GALM: variants seen among roughly 807,000 people sequenced by gnomAD.
GALM encodes the protein galactose mutarotase.
Under a neutral mutation model 37.4 loss-of-function variants are expected in GALM, and 43 were observed. That is an observed-to-expected ratio of 1.15 (90% CI 0.90 to 1.48). The LOEUF is 1.48. GALM is among the 40% of genes most tolerant of loss of function. The pLI is 0.00. For synonymous variants in GALM, 199 were observed against 170.6 expected (o/e 1.17, Z -1.30); for missense variants, 456 against 419.1 (o/e 1.09, Z -0.77).
intron 4 of GALM, among the ~76,000 whole-genome samples, chr2:38,723,251 G>A (rs1364149008): frequency 2.0e-5 from 3 of 152,132 alleles, no homozygotes; most frequent in African/African-American, 2.4e-5. Context: ...TTGAGAGGCC[G>A]GGGGAAAAGA....
chr2:38,681,129 CAAAA>C, intron 2 of GALM, 147 bp from the exon 3 acceptor site: 3 of 604,516 alleles, frequency 5.0e-6, no homozygotes, highest in Middle Eastern at 4.8e-4. Flanking sequence ...GACCCTGTCT[CAAAA>C]AAAAAAAAAA....
intron 5 of GALM, among the ~76,000 whole-genome samples, chr2:38,730,362 G>A (rs1367640757): frequency 6.6e-6 from 1 of 152,156 alleles, no homozygotes; most frequent in Non-Finnish European, 1.5e-5. Flanking sequence ...CGCCTCCCGG[G>A]TTCAAGTGAT....
Position 38,689,820 on chromosome 2 carries a change from C to A in GALM, c.560C>A (p.Pro187Gln). ...CCTACCTTTTCCTCCCAGGCTTCCC[C>A]AAATATAAATGACCATGAAGTCACC... ...SYFNLAGQAS[P>Q]NINDHEVTIE... Residue 187 changes from proline (P) to glutamine (Q), a missense_variant, in exon 4 of 7, where the codon CCA (proline) becomes CAA (glutamine). Physicochemically the swap from Pro to Gln is moderately conservative, Grantham distance 76 (BLOSUM62 -1). Coordinates refer to ENST00000272252, the MANE Select transcript of GALM (RefSeq NM_138801.3). The A allele has an allele frequency of 1.3e-6, 2 of 1,598,736 alleles. No homozygotes were observed. Among genetic ancestry groups the A allele is most frequent in the Non-Finnish European group, 1.7e-6 (2 of 1,169,644 alleles).
Position 38,675,586 on chromosome 2 carries a change from T to A in GALM, c.191-326T>A, listed in dbSNP as rs1367097037. Among the ~76,000 whole-genome samples the A allele has an allele frequency of 1.6e-4, 22 of 140,112 alleles. 1 individual carries two copies. In the East Asian group the frequency reaches 3.2e-3, roughly 20 times the overall value. The allele number at this position is 140,112 out of a possible 152,430, so 91.9% of individuals were successfully genotyped here. ...GTGTGTGTGTGTGTGTGTGTGTGTGTGTGATGGAGTCTCGCTCTGTCGCCC... is the reference window on the plus strand; with the variant it reads ...GTGTGTGTGTGTGTGTGTGTGTGTGAGTGATGGAGTCTCGCTCTGTCGCCC... On this transcript the variant is annotated intron_variant, in intron 1 of 6. Transcript: ENST00000272252.
chr2:38,733,658 A>T lies in GALM; in HGVS notation c.*93A>T. The T allele has an allele frequency of 1.1e-6, 1 of 918,220 alleles. No individual in the cohort carries two copies. The highest frequency in any genetic ancestry group is 1.3e-5 in the South Asian group (1 of 75,646). 56.9% of individuals were successfully genotyped at this position (918,220 alleles called of 1,614,324 possible). ...TGAAGATTAAGAAGCTTTCAGAATG[A>T]TTCTATGGATTAAAATCATACAAAT... On this transcript the variant is annotated 3_prime_UTR_variant, in exon 7 of 7. Transcript: ENST00000272252.
At chr2:38,695,995 C>T (rs1034895452) in intron 4 of GALM, among the ~76,000 whole-genome samples, 8 of 150,864 alleles carry the variant, frequency 5.3e-5, no homozygotes, top group African/African-American at 1.2e-4. Flanking sequence ...CACCACACCC[C>T]GCCTGCGTGT....
intron 4 of GALM, among the ~76,000 whole-genome samples, chr2:38,690,764 G>A (rs1665654906): frequency 6.6e-6 from 1 of 152,140 alleles, no homozygotes; most frequent in Non-Finnish European, 1.5e-5. Flanking sequence ...TGAGTTTATG[G>A]CTGCTAGTTC....
chr2:38,667,251 G>A (rs1020074772), intron 1 of GALM, among the ~76,000 whole-genome samples: 9 of 152,126 alleles, frequency 5.9e-5, no homozygotes, highest in Non-Finnish European at 1.2e-4. Context: ...TGGTTGGGGC[G>A]TAGACAAATT....
intron 4 of GALM, among the ~76,000 whole-genome samples, chr2:38,700,325 G>A (rs1310696912): frequency 6.6e-6 from 1 of 152,080 alleles, no homozygotes; most frequent in African/African-American, 2.4e-5. Flanking sequence ...AGAGAATGGG[G>A]TGTTGAATTC....
intron 4 of GALM, among the ~76,000 whole-genome samples, chr2:38,720,589 T>C (rs1666356358): frequency 6.6e-6 from 1 of 152,158 alleles, no homozygotes; most frequent in Non-Finnish European, 1.5e-5. Context: ...ACTCCAGCAC[T>C]TCGTTTATTA....
intron 2 of GALM, among the ~76,000 whole-genome samples, chr2:38,677,955 A>C (rs1049498712): frequency 7.9e-5 from 12 of 151,810 alleles, no homozygotes; most frequent in Non-Finnish European, 4.4e-5. Context: ...CATTCAATAC[A>C]TGGATATGGG....
intron 4 of GALM, among the ~76,000 whole-genome samples, chr2:38,718,196 C>CTTTTTTTTTTTTTT (rs3059479): frequency 7.6e-5 from 10 of 131,284 alleles, no homozygotes; most frequent in Non-Finnish European, 1.3e-4. Flanking sequence ...TTTTTCTTTT[C>CTTTTTTTTTTTTTT]TTTTTTTTTT....
At chr2:38,682,296 C>T (rs1307527054) in intron 3 of GALM, 2 of 453,270 alleles carry the variant, frequency 4.4e-6, no homozygotes, top group Admixed American at 4.7e-5. Flanking sequence ...AAAAGCTTAG[C>T]TAAACTCTGT....
At chr2:38,680,259 C>T (rs575747893) in intron 2 of GALM, 27 of 251,102 alleles carry the variant, frequency 1.1e-4, no homozygotes, top group Admixed American at 2.1e-4. Flanking sequence ...TGAGCTCAAG[C>T]GATCCTCCTG....
chr2:38,687,991 C>G (rs1426000325), intron 3 of GALM, among the ~76,000 whole-genome samples: 2 of 151,806 alleles, frequency 1.3e-5, no homozygotes, highest in African/African-American at 4.8e-5. Context: ...GTGGGTGGAT[C>G]ACCTGAGGTC....
chr2:38,689,899 G>C lies in GALM; in HGVS notation c.634+5G>C. 6.3e-7 allele frequency: 1 copy of C among 1,579,640 alleles called. No homozygotes were observed. Among genetic ancestry groups the C allele is most frequent in the Non-Finnish European group, 8.7e-7 (1 of 1,151,694 alleles). ...ATGAAACCCTGATTCCTACAGGTTG[G>C]TGAATTTAACCTTTTTGTGTTATGT... On this transcript the variant is annotated splice_donor_5th_base_variant and intron_variant, in intron 4 of 6. Transcript: ENST00000272252.
chr2:38,721,550 GT>G (rs1666376121), intron 4 of GALM, among the ~76,000 whole-genome samples: 1 of 152,088 alleles, frequency 6.6e-6, no homozygotes, highest in South Asian at 2.1e-4. Flanking sequence ...CTCTCACTCT[GT>G]CACCCAGGCT....
At chr2:38,671,901 G>A (rs1260692034) in intron 1 of GALM, among the ~76,000 whole-genome samples, 1 of 151,966 alleles carries the variant, frequency 6.6e-6, no homozygotes, top group African/African-American at 2.4e-5. Context: ...CTGAGGTGGG[G>A]ACCTGAGCCT....
chr2:38,715,568 G>A (rs759691906), intron 4 of GALM, among the ~76,000 whole-genome samples: 1 of 152,144 alleles, frequency 6.6e-6, no homozygotes, highest in African/African-American at 2.4e-5. Flanking sequence ...CTCCTGAGTA[G>A]CTGGGACCAC....
Sources: allele counts gnomAD v4.1 joint callset (sites outside exome capture counted in the v4.1 genomes callset), GRCh38; gene constraint gnomAD v4.1.1; transcripts MANE v1.5; gene names NCBI Gene and HGNC (gene_info 2026-07-23, HGNC 2026-07-21).